NR2F1-AS1: variants seen among roughly 807,000 people sequenced by gnomAD.
NR2F1-AS1 encodes NR2F1 regulatory antisense RNA 1.
At chr5:93,570,468 A>C (rs539284477) in intron 1 of NR2F1-AS1, 7 of 152,460 alleles carry the variant, frequency 4.6e-5, no homozygotes, top group Admixed American at 6.5e-5. Context: ...GGATCTCTGA[A>C]CCTTAAAAGA....
chr5:93,523,468 G>C (rs145615579), intron 4 of NR2F1-AS1, among the ~76,000 whole-genome samples: 2,201 of 152,312 alleles, frequency 0.014, 63 homozygotes, highest in African/African-American at 0.05. Context: ...GAAGAGAGCA[G>C]CGGATCTCCC....
At chr5:93,581,948 C>CCT (rs1554074203), upstream of NR2F1-AS1, among the ~76,000 whole-genome samples, 1 of 115,408 alleles carries the variant, frequency 8.7e-6, no homozygotes, top group African/African-American at 3.4e-5. Context: ...CTCTCTCTCT[C>CCT]CTCTCTCTCT....
At chr5:93,420,165 G>A (rs1230355617) in intron 4 of NR2F1-AS1, among the ~76,000 whole-genome samples, 1 of 152,216 alleles carries the variant, frequency 6.6e-6, no homozygotes, top group African/African-American at 2.4e-5. Flanking sequence ...CTGCACTCCA[G>A]CCTGGGCAAC....
chr5:93,482,174 G>C (rs1211608248), intron 4 of NR2F1-AS1, among the ~76,000 whole-genome samples: 2 of 152,124 alleles, frequency 1.3e-5, no homozygotes, highest in African/African-American at 4.8e-5. Context: ...TGGCCAAATA[G>C]GAAAAGCTCT....
At chr5:93,436,894 A>G (rs576126629) in intron 4 of NR2F1-AS1, among the ~76,000 whole-genome samples, 7 of 152,022 alleles carry the variant, frequency 4.6e-5, no homozygotes, top group Non-Finnish European at 7.4e-5. Flanking sequence ...CAAGGACCTA[A>G]TGATACAACC....
chr5:93,578,479 C>A (rs1752946044), intron 1 of NR2F1-AS1, among the ~76,000 whole-genome samples: 1 of 151,974 alleles, frequency 6.6e-6, no homozygotes, highest in Non-Finnish European at 1.5e-5. Flanking sequence ...AAGGGAGGCT[C>A]CCGGGAGCCC....
At chr5:93,546,739 G>A (rs1451760453) in intron 4 of NR2F1-AS1, among the ~76,000 whole-genome samples, 2 of 152,138 alleles carry the variant, frequency 1.3e-5, no homozygotes, top group Non-Finnish European at 2.9e-5. Flanking sequence ...AGCCATTTCT[G>A]TGACTTGTGA....
intron 4 of NR2F1-AS1, among the ~76,000 whole-genome samples, chr5:93,537,463 C>T (rs1043761383): frequency 1.3e-5 from 2 of 151,884 alleles, no homozygotes; most frequent in African/African-American, 2.4e-5. Context: ...AACTTAACAA[C>T]AACAAAAAAC....
intron 4 of NR2F1-AS1, among the ~76,000 whole-genome samples, chr5:93,535,102 G>C (rs918724130): frequency 6.6e-6 from 1 of 151,318 alleles, no homozygotes; most frequent in African/African-American, 2.4e-5. Context: ...TGAGTTACTA[G>C]AGCAAGAGAT....
At chr5:93,508,678 G>A (rs1751235245) in intron 4 of NR2F1-AS1, among the ~76,000 whole-genome samples, 1 of 150,958 alleles carries the variant, frequency 6.6e-6, no homozygotes, top group Non-Finnish European at 1.5e-5. Flanking sequence ...CCACAAAATG[G>A]TACAAGTTTA....
intron 4 of NR2F1-AS1, among the ~76,000 whole-genome samples, chr5:93,526,676 G>A (rs987968913): frequency 6.6e-5 from 10 of 152,300 alleles, no homozygotes; most frequent in Non-Finnish European, 1.3e-4. Context: ...TCCCTGGGAT[G>A]CAAGGCTGGT....
At chr5:93,503,394 G>T (rs1481569612) in intron 4 of NR2F1-AS1, among the ~76,000 whole-genome samples, 3 of 152,018 alleles carry the variant, frequency 2.0e-5, no homozygotes, top group Non-Finnish European at 4.4e-5. Context: ...ATTATACTAG[G>T]AACCAAGAGT....
chr5:93,456,610 G>GAAAATAC (rs910585395), intron 4 of NR2F1-AS1, among the ~76,000 whole-genome samples: 6 of 151,108 alleles, frequency 4.0e-5, no homozygotes, highest in African/African-American at 1.5e-4. Context: ...AAATTTAAAT[G>GAAAATAC]AAAATACAAA....
rs151292008 is a variant in NR2F1-AS1, at chr5:93,512,738, T to A, written n.638+41023A>T. On this transcript the variant is annotated intron_variant and non_coding_transcript_variant, in intron 4 of 5. Transcript: ENST00000660523. The stretch of plus-strand genomic sequence containing the variant: ...TTCTATGTTTTGATACACAAATAAT[T>A]ACCATTGTGTTACAAGTGTCTACAG... 8.1e-4 allele frequency among the ~76,000 whole-genome samples: 123 copies of A among 152,296 alleles called. 3 individuals carry two copies. The highest frequency in any genetic ancestry group is 2.7e-3 in the African/African-American group (114 of 41,562).
chr5:93,445,911 C>T (rs549885136), intron 4 of NR2F1-AS1, among the ~76,000 whole-genome samples: 1 of 152,052 alleles, frequency 6.6e-6, no homozygotes, highest in African/African-American at 2.4e-5. Flanking sequence ...CAAATCAATA[C>T]ATGTAATCCA....
At chr5:93,489,553 T>C (rs1441376671) in intron 4 of NR2F1-AS1, among the ~76,000 whole-genome samples, 1 of 152,120 alleles carries the variant, frequency 6.6e-6, no homozygotes, top group Admixed American at 6.5e-5. Flanking sequence ...CGGTACCAAA[T>C]CTGCAGTATT....
chr5:93,483,532 C>A (rs754344729), intron 4 of NR2F1-AS1, among the ~76,000 whole-genome samples: 2 of 152,068 alleles, frequency 1.3e-5, no homozygotes, highest in Admixed American at 6.6e-5. Context: ...AAAACCAGAA[C>A]GCCTCTTCTC....
intron 4 of NR2F1-AS1, among the ~76,000 whole-genome samples, chr5:93,504,740 A>C (rs908266755): frequency 6.6e-6 from 1 of 152,168 alleles, no homozygotes; most frequent in African/African-American, 2.4e-5. Context: ...CACTGTCATG[A>C]GAATAGCACA....
chr5:93,442,136 A>G (rs905814673), intron 4 of NR2F1-AS1, among the ~76,000 whole-genome samples: 4 of 152,170 alleles, frequency 2.6e-5, no homozygotes, highest in African/African-American at 9.7e-5. Flanking sequence ...AGCAACACAA[A>G]AGATGGGTGA....
Sources: allele counts gnomAD v4.1 joint callset (sites outside exome capture counted in the v4.1 genomes callset), GRCh38; gene constraint gnomAD v4.1.1; transcripts MANE v1.5; gene names NCBI Gene and HGNC (gene_info 2026-07-23, HGNC 2026-07-21).